The following SLC24A5 variants were observed in gnomAD, a reference collection of about 807,000 sequenced individuals.
SLC24A5 encodes sodium/potassium/calcium exchanger 5.
SLC24A5 carries 46 observed loss-of-function variants against 51.6 expected under a neutral mutation model. The observed-to-expected ratio is 0.89, with a 90% CI of 0.70 to 1.14. The LOEUF is 1.14. Ranked by LOEUF, SLC24A5 falls within the 50% of genes most tolerant of loss-of-function variation. The pLI, the probability that SLC24A5 is intolerant of heterozygous loss-of-function variation, is 0.00. For synonymous variants in SLC24A5, 230 were observed against 214.9 expected (o/e 1.07, Z -0.62); for missense variants, 581 against 604.1 (o/e 0.96, Z 0.40).
chr15:48,125,487 T>C (rs2038721908), intron 2 of SLC24A5, among the ~76,000 whole-genome samples: 1 of 152,044 alleles, frequency 6.6e-6, no homozygotes, highest in Non-Finnish European at 1.5e-5. Flanking sequence ...ATGATAAAAC[T>C]TTACACATCC....
intron 2 of SLC24A5, chr15:48,122,406 AC>A (rs1567219680): frequency 2.9e-6 from 1 of 348,654 alleles, no homozygotes; most frequent in Admixed American, 4.4e-5. Context: ...GCTTCAAAAA[AC>A]TTTTTTTTAT....
rs749217335 is a variant in SLC24A5, at chr15:48,121,914, C to T, written c.179C>T (p.Thr60Met). The T allele has an allele frequency of 5.0e-6, 8 of 1,614,000 alleles. No homozygotes were observed. In the South Asian group the frequency reaches 5.5e-5, roughly 11 times the overall value. ...PSSEFPEGFF[T>M]RQERRDGGII... ...TCGGAGTTTCCCGAAGGGTTTTTCA[C>T]GAGACAGGAGCGCAGAGATGGAGGC... The change falls in exon 2 of 9, where the codon ACG (threonine) becomes ATG (methionine). Residue 60 changes from threonine (T) to methionine (M), a missense_variant. Thr to Met is a moderately conservative substitution (Grantham distance 81, BLOSUM62 -1). Coordinates refer to ENST00000341459, the MANE Select transcript of SLC24A5 (RefSeq NM_205850.3).
intron 2 of SLC24A5, among the ~76,000 whole-genome samples, chr15:48,133,883 AAACT>A (rs141527107): frequency 0.026 from 3,886 of 152,256 alleles, 89 homozygotes; most frequent in Non-Finnish European, 0.037. Context: ...TACATCTAAA[AAACT>A]AACATCTTTT....
rs895384850 is a variant in SLC24A5 at position 48,121,182 on chromosome 15, G to A, written c.121+17G>A. 1 of 1,601,448 alleles carries A rather than the reference G, an allele frequency of 6.2e-7. No homozygotes were observed. The highest frequency in any genetic ancestry group is 8.5e-7 in the Non-Finnish European group (1 of 1,173,628). ...GGGCCACAGGTAGGTGGACATTGGG[G>A]TCAGTTAGCTCTGCAGCAGCAGCTG... On this transcript the variant is annotated intron_variant, in intron 1 of 8. Coordinates refer to ENST00000341459, the MANE Select transcript of SLC24A5 (RefSeq NM_205850.3).
chr15:48,135,251 T>G, intron 5 of SLC24A5: 2 of 281,656 alleles, frequency 7.1e-6, no homozygotes, highest in African/African-American at 2.2e-5. Context: ...ACTGGCTGCC[T>G]ATTCAGAAAG....
At chr15:48,135,022 T>C in intron 5 of SLC24A5, 38 bp downstream of exon 5, 2 of 1,502,928 alleles carry the variant, frequency 1.3e-6, no homozygotes, top group Non-Finnish European at 1.8e-6. Flanking sequence ...AAATTAGAGA[T>C]TTTATGAATT....
chr15:48,123,005 C>T (rs539150102), intron 2 of SLC24A5: 19 of 152,122 alleles, frequency 1.2e-4, no homozygotes, highest in African/African-American at 4.3e-4. Context: ...TGAATGTAAA[C>T]TCTCCCTTTT....
intron 6 of SLC24A5, chr15:48,137,865 T>C (rs2140747718): frequency 6.6e-6 from 1 of 152,244 alleles, no homozygotes; most frequent in African/African-American, 2.4e-5. Flanking sequence ...ATAGGTTCAG[T>C]AGGAAGTCAG....
chr15:48,133,361 C>T (rs756154312), intron 2 of SLC24A5, among the ~76,000 whole-genome samples: 3 of 152,174 alleles, frequency 2.0e-5, no homozygotes, highest in Non-Finnish European at 2.9e-5. Flanking sequence ...AAACCTATCT[C>T]GGCCTACGGC....
chr15:48,122,062 A>G (rs2038685160), intron 2 of SLC24A5, 26 bp downstream of exon 2: 1 of 1,611,150 alleles, frequency 6.2e-7, no homozygotes, highest in African/African-American at 1.3e-5. Flanking sequence ...GTTGCCCTGT[A>G]ACCTTCTGGG....
chr15:48,128,650 TAAAGAAC>T (rs2140714967), intron 2 of SLC24A5, among the ~76,000 whole-genome samples: 1 of 152,172 alleles, frequency 6.6e-6, no homozygotes, highest in Non-Finnish European at 1.5e-5. Context: ...AAAGCTTTAC[TAAAGAAC>T]AAAGAATCTA....
At chr15:48,126,462 T>C (rs982621548) in intron 2 of SLC24A5, among the ~76,000 whole-genome samples, 7 of 152,222 alleles carry the variant, frequency 4.6e-5, no homozygotes, top group Admixed American at 3.9e-4. Flanking sequence ...CACCCTCTAG[T>C]TGTCCAGGGC....
rs138961421 is a variant in SLC24A5, at chr15:48,124,559, A to C, written c.301+2523A>C. The C allele has an allele frequency of 8.6e-3, 1,316 of 152,322 alleles. 19 individuals carry two copies. Among genetic ancestry groups the C allele is most frequent in the African/African-American group, 0.031 (1,285 of 41,590 alleles). The allele number at this position is 152,322 out of a possible 1,614,324, so 9.4% of individuals were successfully genotyped here. ...ACTGAACAATGACATGACTGAAAAAATAAATCTATCAAGAATTTTATTATA... is the reference window on the plus strand; with the variant it reads ...ACTGAACAATGACATGACTGAAAAACTAAATCTATCAAGAATTTTATTATA... On this transcript the variant is annotated intron_variant, in intron 2 of 8. Coordinates refer to ENST00000341459, the MANE Select transcript of SLC24A5 (RefSeq NM_205850.3).
At chr15:48,130,915 A>C (rs1440201670) in intron 2 of SLC24A5, among the ~76,000 whole-genome samples, 1 of 152,168 alleles carries the variant, frequency 6.6e-6, no homozygotes, top group African/African-American at 2.4e-5. Context: ...AAATAAAAAC[A>C]GCATTGGGCT....
chr15:48,140,921 C>G (rs1356884017), intron 7 of SLC24A5, 192 bp from the exon 8 acceptor site: 2 of 482,028 alleles, frequency 4.1e-6, no homozygotes, highest in Admixed American at 7.0e-5. Context: ...ATCTGTGCTA[C>G]CTGGGTTACC....
At chr15:48,127,567 C>A (rs2038744233) in intron 2 of SLC24A5, among the ~76,000 whole-genome samples, 1 of 20,108 alleles carries the variant, frequency 5.0e-5, no homozygotes, top group Admixed American at 3.5e-4. Context: ...ACCTGTAATC[C>A]CAGTGCTTTG....
chr15:48,134,522 G>A lies in SLC24A5; in HGVS notation c.473G>A (p.Gly158Asp). The change falls in exon 4 of 9, where the codon GGT becomes GAT. Residue 158 changes from glycine to aspartate, a missense_variant. Physicochemically the swap from Gly to Asp is moderately conservative, Grantham distance 94. Coordinates refer to ENST00000341459, the MANE Select transcript of SLC24A5 (RefSeq NM_205850.3). ...YNLLGICAAC[G>D]LLSNTVSTLS... ...CTCCTTGGCATCTGTGCTGCCTGTG[G>A]TTTGCTATCTAATACGGTATGTAAC... is the stretch of plus-strand genomic sequence containing the variant. 6.2e-7 allele frequency: 1 copy of A among 1,612,818 alleles called. No homozygotes were observed. The highest frequency in any genetic ancestry group is 8.5e-7 in the Non-Finnish European group (1 of 1,178,988).
intron 2 of SLC24A5, among the ~76,000 whole-genome samples, chr15:48,131,471 T>A (rs937818350): frequency 6.6e-6 from 1 of 151,978 alleles, no homozygotes; most frequent in African/African-American, 2.4e-5. Flanking sequence ...GAGTTCTCTC[T>A]CTTTAGTTCC....
chr15:48,135,048 ATTTT>A (rs1274142347), intron 5 of SLC24A5, 64 bp downstream of exon 5: 47 of 1,305,830 alleles, frequency 3.6e-5, no homozygotes, highest in Non-Finnish European at 5.0e-5. Flanking sequence ...TGGTTCAGTA[ATTTT>A]TTTTCAGAAA....
Sources: gnomAD v4.1 joint callset for allele counts (sites outside exome capture counted in the v4.1 genomes callset) on GRCh38, gnomAD v4.1.1 for gene constraint, MANE v1.5 for transcripts, NCBI Gene and HGNC (gene_info 2026-07-23, HGNC 2026-07-21) for gene names.